LPXN: variants seen among roughly 807,000 people sequenced by gnomAD.
The protein encoded by LPXN is leupaxin.
In LPXN, 28 loss-of-function variants were observed where a neutral mutation model predicts 45.6. The ratio of observed to expected loss-of-function variants is 0.61; its 90% CI spans 0.45 to 0.84. The LOEUF is 0.84. Among genes scored for constraint, LPXN ranks in the 40% least tolerant of loss-of-function variants. The pLI is 0.00. For missense variants in LPXN, 459 were observed against 475.0 expected, an observed-to-expected ratio of 0.97 and a Z score of 0.31; for synonymous variants, 166 against 169.9, an observed-to-expected ratio of 0.98 and a Z score of 0.18.
intron 7 of LPXN, among the ~76,000 whole-genome samples, chr11:58,532,261 C>T (rs772643697): frequency 9.9e-5 from 15 of 152,240 alleles, no homozygotes; most frequent in Non-Finnish European, 1.5e-4. Context: ...CAAGCCTCCC[C>T]GACAGGTGCT....
intron 7 of LPXN, among the ~76,000 whole-genome samples, chr11:58,537,559 A>G (rs1378042665): frequency 6.6e-6 from 1 of 152,008 alleles, no homozygotes; most frequent in Admixed American, 6.6e-5. Context: ...TACCTAATGT[A>G]GATGATGGGT....
chr11:58,537,715 G>A (rs1297495904), intron 7 of LPXN, among the ~76,000 whole-genome samples: 6 of 152,024 alleles, frequency 3.9e-5, no homozygotes, highest in Non-Finnish European at 8.8e-5. Flanking sequence ...TGTTCAGAGT[G>A]TACAGTCCTA....
At chr11:58,560,251 T>C (rs1030491821) in intron 3 of LPXN, among the ~76,000 whole-genome samples, 2 of 152,168 alleles carry the variant, frequency 1.3e-5, no homozygotes, top group Admixed American at 1.3e-4. Context: ...CCTGTATATC[T>C]CAGTTATTAT....
chr11:58,559,954 C>A (rs530982458), intron 3 of LPXN, among the ~76,000 whole-genome samples: 9 of 152,100 alleles, frequency 5.9e-5, no homozygotes, highest in Non-Finnish European at 1.5e-5. Context: ...TATGCACACA[C>A]ATAAGTCTGT....
chr11:58,528,947 TTTTTAATCAATCA>T (rs1451675392), intron 7 of LPXN, among the ~76,000 whole-genome samples: 1 of 152,232 alleles, frequency 6.6e-6, no homozygotes, highest in East Asian at 1.9e-4. Flanking sequence ...ATATATTTCC[TTTTTAATCAATCA>T]AATGGATGTT....
chr11:58,557,540 G>C (rs1269200079), intron 3 of LPXN, among the ~76,000 whole-genome samples: 3 of 152,172 alleles, frequency 2.0e-5, no homozygotes, highest in African/African-American at 7.2e-5. Context: ...CTGGTGATGA[G>C]AGGCAGGAAA....
chr11:58,550,645 CT>C (rs1477016898), intron 5 of LPXN, among the ~76,000 whole-genome samples: 1 of 152,182 alleles, frequency 6.6e-6, no homozygotes, highest in African/African-American at 2.4e-5. Context: ...CTGAGTTCAG[CT>C]GAAAATTGTA....
At chr11:58,531,793 C>T (rs781555622) in intron 7 of LPXN, among the ~76,000 whole-genome samples, 59 of 152,238 alleles carry the variant, frequency 3.9e-4, no homozygotes, top group Non-Finnish European at 7.6e-4. Context: ...TGACAATGTG[C>T]TTGCAACCCT....
chr11:58,573,345 C>A (rs190040035), intron 1 of LPXN, among the ~76,000 whole-genome samples: 1 of 151,770 alleles, frequency 6.6e-6, no homozygotes, highest in Admixed American at 6.6e-5. Context: ...TTAGCCAGAC[C>A]CCACACCAAA....
At chr11:58,561,479 A>G (rs2515348) in intron 3 of LPXN, among the ~76,000 whole-genome samples, 145,260 of 152,224 alleles carry the variant, frequency 0.95, 69,496 homozygotes, top group South Asian at 0.99. Context: ...GAGCAAAACC[A>G]GTCAAGTATG....
At chr11:58,560,378 T>TG (rs1220860260) in intron 3 of LPXN, among the ~76,000 whole-genome samples, 2 of 152,198 alleles carry the variant, frequency 1.3e-5, no homozygotes, top group Non-Finnish European at 2.9e-5. Context: ...TAACACATGT[T>TG]AAGTGTAGAA....
chr11:58,574,882 T>C (rs2134366937), intron 1 of LPXN, among the ~76,000 whole-genome samples: 1 of 152,130 alleles, frequency 6.6e-6, no homozygotes, highest in African/African-American at 2.4e-5. Context: ...AGATATTTTT[T>C]GTTGTTGTTT....
intron 2 of LPXN, 41 bp downstream of exon 2, chr11:58,570,515 C>G (rs1351640877): frequency 6.8e-7 from 1 of 1,475,006 alleles, no homozygotes; most frequent in African/African-American, 1.4e-5. Flanking sequence ...GAAATGCACT[C>G]AAACATCCAT....
chr11:58,550,131 C>T lies in LPXN; in HGVS notation c.502G>A (p.Gly168Arg), dbSNP rs760681961. Reference sequence around the variant, plus strand: ...AAATGCTCAGGATGCCATGATTGCCCTAGAGCATGGATCACCTGTGGAGTG... The same window carrying T: ...AAATGCTCAGGATGCCATGATTGCCTTAGAGCATGGATCACCTGTGGAGTG... Reference protein sequence around the residue: ...PIAGKVIHALGQSWHPEHFVC... With the variant: ...PIAGKVIHALRQSWHPEHFVC... The change falls in exon 6 of 9, where the codon GGG becomes AGG. Residue 168 changes from glycine to arginine, a missense_variant. Coordinates refer to ENST00000395074, the MANE Select transcript of LPXN (RefSeq NM_004811.3). 2 of 1,613,846 alleles carry T rather than the reference C, an allele frequency of 1.2e-6. No individual in the cohort carries two copies. The highest frequency in any genetic ancestry group is 2.2e-5 in the South Asian group (2 of 91,078).
chr11:58,558,257 A>G (rs1210829583), intron 3 of LPXN, among the ~76,000 whole-genome samples: 7 of 151,874 alleles, frequency 4.6e-5, no homozygotes, highest in Non-Finnish European at 1.0e-4. Flanking sequence ...GGTAAAGAAG[A>G]TAGGGCTGGG....
At chr11:58,560,780 G>A (rs1854350231) in intron 3 of LPXN, among the ~76,000 whole-genome samples, 1 of 152,158 alleles carries the variant, frequency 6.6e-6, no homozygotes, top group South Asian at 2.1e-4. Context: ...GCTTGGGCCT[G>A]CAAACTGCAA....
chr11:58,528,255 G>A, intron 7 of LPXN, 64 bp from the exon 8 acceptor site: 1 of 1,486,310 alleles, frequency 6.7e-7, no homozygotes, highest in Non-Finnish European at 9.2e-7. Context: ...ACTGGAGACT[G>A]AGAGGAGGCC....
intron 1 of LPXN, among the ~76,000 whole-genome samples, chr11:58,573,484 A>C (rs1854778040): frequency 6.6e-6 from 1 of 152,338 alleles, no homozygotes; most frequent in East Asian, 1.9e-4. Context: ...AGCCATTTAC[A>C]ATAAAGATTA....
chr11:58,555,382 A>G (rs1854171321), intron 3 of LPXN, among the ~76,000 whole-genome samples: 1 of 152,162 alleles, frequency 6.6e-6, no homozygotes, highest in Admixed American at 6.5e-5. Flanking sequence ...TTTACAGAAC[A>G]AGTTTGCAAA....
Sources: gnomAD v4.1 joint callset for allele counts (sites outside exome capture counted in the v4.1 genomes callset) on GRCh38, gnomAD v4.1.1 for gene constraint, MANE v1.5 for transcripts, NCBI Gene and HGNC (gene_info 2026-07-23, HGNC 2026-07-21) for gene names.